The following TMEM74 variants were observed in gnomAD, a reference collection of about 807,000 sequenced individuals.
The protein encoded by TMEM74 is transmembrane protein 74.
TMEM74 carries 13 observed loss-of-function variants against 18.1 expected under a neutral mutation model. That is an observed-to-expected ratio of 0.72 (90% CI 0.47 to 1.14). The LOEUF (loss-of-function observed/expected upper bound fraction) is 1.14, where lower values mean the gene tolerates loss of function less well. Ranked by LOEUF, TMEM74 falls within the 50% of genes most tolerant of loss-of-function variation. The probability of loss-of-function intolerance (pLI) is 0.00; values close to 1 mark genes in which losing one functional copy is unlikely to be tolerated. For synonymous variants in TMEM74, 159 were observed against 146.6 expected, an observed-to-expected ratio of 1.08 and a Z score of -0.61; for missense variants, 372 against 375.9, an observed-to-expected ratio of 0.99 and a Z score of 0.09.
chr8:108,720,559 CAT>C (rs2130630865), intron 1 of TMEM74, among the ~76,000 whole-genome samples: 1 of 152,180 alleles, frequency 6.6e-6, no homozygotes, highest in African/African-American at 2.4e-5. Flanking sequence ...AAGCTGCAAA[CAT>C]AATGTAAATT....
intron 1 of TMEM74, among the ~76,000 whole-genome samples, chr8:108,702,471 C>A (rs1813347331): frequency 6.6e-6 from 1 of 151,794 alleles, no homozygotes; most frequent in African/African-American, 2.4e-5. Flanking sequence ...TTCTGGAGAG[C>A]TGGCCATCCA....
chr8:108,695,774 G>C (rs918718070), intron 1 of TMEM74, among the ~76,000 whole-genome samples: 8 of 152,150 alleles, frequency 5.3e-5, no homozygotes, highest in African/African-American at 1.9e-4. Context: ...GGGGCAGCAT[G>C]GGCATACTTT....
At chr8:108,656,051 T>C (rs1169746718) in intron 1 of TMEM74, among the ~76,000 whole-genome samples, 1 of 152,158 alleles carries the variant, frequency 6.6e-6, no homozygotes, top group Non-Finnish European at 1.5e-5. Flanking sequence ...CCAGAAGTGC[T>C]CTTATTCCTC....
chr8:108,641,161 G>C (rs1489598084), intron 2 of TMEM74, among the ~76,000 whole-genome samples: 1 of 152,078 alleles, frequency 6.6e-6, no homozygotes. Flanking sequence ...CAGTATAATA[G>C]AGAAGGTAAG....
chr8:108,705,787 A>G (rs1395720258), intron 1 of TMEM74, among the ~76,000 whole-genome samples: 1 of 152,234 alleles, frequency 6.6e-6, no homozygotes, highest in Non-Finnish European at 1.5e-5. Context: ...TATTTGGAAG[A>G]AGGAGTTCAG....
chr8:108,661,572 G>A (rs1451195108), intron 1 of TMEM74, among the ~76,000 whole-genome samples: 1 of 151,996 alleles, frequency 6.6e-6, no homozygotes, highest in Non-Finnish European at 1.5e-5. Context: ...TTATGGAGCA[G>A]CAGCTTGAAC....
rs183438889 is a variant in TMEM74, at chr8:108,624,527, C to T, written n.265-15701G>A. 1.1e-4 allele frequency among the ~76,000 whole-genome samples: 17 copies of T among 152,192 alleles called. No homozygotes were observed. The East Asian group carries it at 3.1e-3, about 28-fold the overall frequency. On this transcript the variant is annotated intron_variant and non_coding_transcript_variant, in intron 2 of 3. Transcript: ENST00000518838. Reference sequence around the variant, plus strand: ...TTTGTGGATTCCAGAATGCTGTCCTCTGACATGTCAAAATAGATATGCAAA... The same window carrying T: ...TTTGTGGATTCCAGAATGCTGTCCTTTGACATGTCAAAATAGATATGCAAA...
downstream of TMEM74, among the ~76,000 whole-genome samples, chr8:108,778,378 C>T (rs1194521822): frequency 6.6e-6 from 1 of 152,198 alleles, no homozygotes; most frequent in African/African-American, 2.4e-5. Flanking sequence ...CTGCATCAGA[C>T]TGGGTCCCCT....
chr8:108,652,945 G>C (rs753998768), intron 2 of TMEM74: 2 of 311,216 alleles, frequency 6.4e-6, no homozygotes, highest in Non-Finnish European at 1.3e-5. Flanking sequence ...CTAGCGACTT[G>C]CTAGACATAA....
intron 1 of TMEM74, among the ~76,000 whole-genome samples, chr8:108,769,942 T>G (rs1169198910): frequency 1.3e-5 from 2 of 151,818 alleles, no homozygotes; most frequent in Admixed American, 6.6e-5. Context: ...CAATTTCCCT[T>G]CTAGCATCTT....
At chr8:108,682,227 G>T (rs867247079) in intron 1 of TMEM74, among the ~76,000 whole-genome samples, 9 of 151,824 alleles carry the variant, frequency 5.9e-5, no homozygotes, top group African/African-American at 2.2e-4. Context: ...TTTAATTTTT[G>T]AGCAATCCCG....
At chr8:108,734,859 T>C (rs759199005) in intron 1 of TMEM74, among the ~76,000 whole-genome samples, 1 of 152,188 alleles carries the variant, frequency 6.6e-6, no homozygotes, top group African/African-American at 2.4e-5. Flanking sequence ...GCATTCCTAT[T>C]ATTTCTAATT....
At position 108,681,247 on chromosome 8, in the gene TMEM74, C is replaced by T. The variant is rs557714629; in HGVS notation, n.120-25810G>A. ...CAAAAGAACAAAGCCGGAGGCATCACGCTACCTGACTTCAAACTATACTAC... is the reference window on the plus strand; with the variant it reads ...CAAAAGAACAAAGCCGGAGGCATCATGCTACCTGACTTCAAACTATACTAC... On this transcript the variant is annotated intron_variant and non_coding_transcript_variant, in intron 1 of 3. Transcript: ENST00000518838. 1.0e-3 allele frequency among the ~76,000 whole-genome samples: 152 copies of T among 152,252 alleles called. No individual in the cohort carries two copies. The South Asian group carries it at 0.02, about 20-fold the overall frequency.
At position 108,668,203 on chromosome 8, in the gene TMEM74, A is replaced by G. The variant is rs139493800; in HGVS notation, n.120-12766T>C. Among the ~76,000 whole-genome samples, 23 of 152,294 alleles carry G rather than the reference A, an allele frequency of 1.5e-4. No homozygotes were observed. The East Asian group carries it at 4.2e-3, about 28-fold the overall frequency. On this transcript the variant is annotated intron_variant and non_coding_transcript_variant, in intron 1 of 3. Coordinates refer to the TMEM74 transcript ENST00000518838. Reference sequence around the variant, plus strand: ...TCTCCTCAGTATGTTCATAAATTTAATAAGTGATTTTTCAAAGAGCTTTTT... The same window carrying G: ...TCTCCTCAGTATGTTCATAAATTTAGTAAGTGATTTTTCAAAGAGCTTTTT...
At chr8:108,691,457 T>C (rs764792787) in intron 1 of TMEM74, among the ~76,000 whole-genome samples, 1 of 152,038 alleles carries the variant, frequency 6.6e-6, no homozygotes, top group African/African-American at 2.4e-5. Flanking sequence ...TCCCATAGAG[T>C]TGAAATCTAA....
intron 2 of TMEM74, among the ~76,000 whole-genome samples, chr8:108,651,646 G>A (rs1370680652): frequency 6.6e-6 from 1 of 151,810 alleles, no homozygotes; most frequent in Non-Finnish European, 1.5e-5. Context: ...TATATGGAAG[G>A]GAGCTTTGAG....
intron 1 of TMEM74, among the ~76,000 whole-genome samples, chr8:108,669,870 T>C (rs1334199208): frequency 6.6e-6 from 1 of 152,046 alleles, no homozygotes; most frequent in Non-Finnish European, 1.5e-5. Flanking sequence ...AAACCCCATC[T>C]CTACTAAAAC....
chr8:108,617,283 T>C (rs1812394039), intron 2 of TMEM74, among the ~76,000 whole-genome samples: 1 of 152,078 alleles, frequency 6.6e-6, no homozygotes, highest in South Asian at 2.1e-4. Flanking sequence ...GCTTAATTAA[T>C]TTGGAGCATA....
chr8:108,718,238 G>A (rs139489963), intron 1 of TMEM74, among the ~76,000 whole-genome samples: 4,030 of 150,456 alleles, frequency 0.027, 721 homozygotes, highest in Non-Finnish European at 0.037. Flanking sequence ...GATTACAGGC[G>A]TGAGCCACCG....
Sources: allele counts gnomAD v4.1 joint callset (sites outside exome capture counted in the v4.1 genomes callset), GRCh38; gene constraint gnomAD v4.1.1; transcripts MANE v1.5; gene names NCBI Gene and HGNC (gene_info 2026-07-23, HGNC 2026-07-21).